CCDC134: variants seen among roughly 807,000 people sequenced by gnomAD.
The protein encoded by CCDC134 is coiled-coil domain containing 134.
A neutral mutation model predicts 25.6 loss-of-function variants in CCDC134; 27 were observed. That is an observed-to-expected ratio of 1.05 (90% CI 0.78 to 1.45). The LOEUF is 1.45. Among genes scored for constraint, CCDC134 ranks in the 40% most tolerant of loss-of-function variants. CCDC134 has a pLI of 0.00. For synonymous variants in CCDC134, 110 were observed against 115.0 expected, an observed-to-expected ratio of 0.96 and a Z score of 0.28; for missense variants, 261 against 286.7, an observed-to-expected ratio of 0.91 and a Z score of 0.65.
At chr22:41,810,527 C>G (rs1387063131) in intron 4 of CCDC134, among the ~76,000 whole-genome samples, 1 of 123,962 alleles carries the variant, frequency 8.1e-6, no homozygotes, top group Admixed American at 9.5e-5. Flanking sequence ...GACAGAGTCT[C>G]ACTCTGTCGC....
chr22:41,801,442 G>A (rs976424335), intron 1 of CCDC134, among the ~76,000 whole-genome samples: 1 of 152,170 alleles, frequency 6.6e-6, no homozygotes, highest in African/African-American at 2.4e-5. Flanking sequence ...TTTACAAAGA[G>A]TCAGAAGACA....
chr22:41,820,035 A>G (rs1220290237), intron 6 of CCDC134, among the ~76,000 whole-genome samples: 2 of 141,214 alleles, frequency 1.4e-5, no homozygotes, highest in African/African-American at 5.4e-5. Flanking sequence ...CACTCTGTCC[A>G]CGCAGGCTGG....
intron 1 of CCDC134, among the ~76,000 whole-genome samples, chr22:41,806,818 C>T (rs1050926683): frequency 7.9e-5 from 12 of 151,956 alleles, no homozygotes; most frequent in Non-Finnish European, 1.8e-4. Flanking sequence ...GAGGCTGAGG[C>T]GGTGGATCAC....
In CCDC134 at chr22:41,827,101, A is replaced by T. The variant is rs2076683607; in HGVS notation, c.*1278A>T. 6.6e-6 allele frequency among the ~76,000 whole-genome samples: 1 copy of T among 152,076 alleles called. No individual in the cohort carries two copies. Among genetic ancestry groups the T allele is most frequent in the South Asian group, 2.1e-4 (1 of 4,826 alleles). On this transcript the variant is annotated 3_prime_UTR_variant, in exon 7 of 7. Transcript: ENST00000255784. ...CTGTTTCTCTGAGGCTGGCCTCCCT[A>T]CGGGGCTGCAGCAGCAAAGGGAAGC...
rs1007039649 is a variant in CCDC134, at chr22:41,830,728, A to T, written c.*4905A>T. On this transcript the variant is annotated 3_prime_UTR_variant, in exon 7 of 7. Transcript: ENST00000255784. Reference sequence around the variant, plus strand: ...CATTATAAAACGTAATTTAAGCAATACTGAAATGCCAAAAAGAAAGTAAAA... The same window carrying T: ...CATTATAAAACGTAATTTAAGCAATTCTGAAATGCCAAAAAGAAAGTAAAA... Among the ~76,000 whole-genome samples the T allele has an allele frequency of 2.6e-5, 4 of 152,186 alleles. No homozygotes were observed. Among genetic ancestry groups the T allele is most frequent in the African/African-American group, 7.2e-5 (3 of 41,440 alleles).
rs202147958 is a variant in CCDC134 at position 41,825,694 on chromosome 22, T to A, written c.565-4T>A. 1.4e-4 allele frequency: 226 copies of A among 1,613,784 alleles called. No individual in the cohort carries two copies. The highest frequency in any genetic ancestry group is 2.5e-5 in the Non-Finnish European group (29 of 1,179,890). On this transcript the variant is annotated splice_polypyrimidine_tract_variant and splice_region_variant and intron_variant, in intron 6 of 6. Transcript: ENST00000255784. This position sits in a 1 kb window ranked among gnomAD's most constrained non-coding sequence, Gnocchi z 4.4. ...AAATCAGACTGCTCTTCTCTTCCCTTCAGTTCATTCCCAGCACTGACCCTT... is the reference window on the plus strand; with the variant it reads ...AAATCAGACTGCTCTTCTCTTCCCTACAGTTCATTCCCAGCACTGACCCTT...
At chr22:41,807,898 A>C (rs995714831) in intron 1 of CCDC134, among the ~76,000 whole-genome samples, 14 of 152,148 alleles carry the variant, frequency 9.2e-5, no homozygotes, top group African/African-American at 3.1e-4. Flanking sequence ...GCGGTGGCTC[A>C]CATCTGAATC....
intron 1 of CCDC134, among the ~76,000 whole-genome samples, chr22:41,807,687 C>T (rs1393164809): frequency 1.3e-5 from 2 of 152,128 alleles, no homozygotes; most frequent in Non-Finnish European, 2.9e-5. Context: ...CAATGTATGT[C>T]CTGGGAATCA....
chr22:41,818,788 C>T (rs2076634643), intron 6 of CCDC134, among the ~76,000 whole-genome samples: 1 of 152,336 alleles, frequency 6.6e-6, no homozygotes, highest in South Asian at 2.1e-4. Flanking sequence ...CACGGCCTTC[C>T]GTTCTTGGTT....
chr22:41,803,495 C>T (rs1344301201), intron 1 of CCDC134, among the ~76,000 whole-genome samples: 1 of 152,114 alleles, frequency 6.6e-6, no homozygotes, highest in African/African-American at 2.4e-5. Flanking sequence ...GGGCTGGGCA[C>T]GATAGCTCAC....
chr22:41,822,617 C>T (rs1384223985), intron 6 of CCDC134, among the ~76,000 whole-genome samples: 11 of 152,168 alleles, frequency 7.2e-5, no homozygotes, highest in South Asian at 2.1e-4. Context: ...TCTTCTGACC[C>T]GGCTAGGTTA....
At chr22:41,823,518 G>A (rs1034387960) in intron 6 of CCDC134, among the ~76,000 whole-genome samples, 7 of 152,042 alleles carry the variant, frequency 4.6e-5, no homozygotes, top group African/African-American at 7.2e-5. Context: ...GAGCCACGGC[G>A]CCCAACTCCA....
chr22:41,809,834 C>T, intron 2 of CCDC134, 45 bp from the exon 3 acceptor site: 1 of 1,611,526 alleles, frequency 6.2e-7, no homozygotes, highest in Non-Finnish European at 8.5e-7. Context: ...CTGGATTGTC[C>T]AGGCAGGGCT....
chr22:41,814,241 C>T (rs894206396), intron 6 of CCDC134, among the ~76,000 whole-genome samples: 1 of 152,076 alleles, frequency 6.6e-6, no homozygotes, highest in African/African-American at 2.4e-5. Flanking sequence ...CTGAGGTGGG[C>T]TTTGAGAGCT....
At chr22:41,801,839 TG>T (rs1216916618) in intron 1 of CCDC134, among the ~76,000 whole-genome samples, 10 of 152,162 alleles carry the variant, frequency 6.6e-5, no homozygotes, top group Non-Finnish European at 1.3e-4. Flanking sequence ...GACATTGTAG[TG>T]ACAATATGTG....
intron 6 of CCDC134, among the ~76,000 whole-genome samples, chr22:41,818,345 C>G (rs759324951): frequency 1.3e-5 from 2 of 152,176 alleles, no homozygotes; most frequent in Non-Finnish European, 2.9e-5. Flanking sequence ...ATGGCAAACT[C>G]CCCGGAGCAA....
At chr22:41,817,285 G>A (rs754018953) in intron 6 of CCDC134, among the ~76,000 whole-genome samples, 19 of 152,182 alleles carry the variant, frequency 1.2e-4, no homozygotes, top group Non-Finnish European at 2.4e-4. Flanking sequence ...GGTGGCAGTG[G>A]CAGTGATCTG....
intron 6 of CCDC134, among the ~76,000 whole-genome samples, chr22:41,824,238 A>T (rs1049055228): frequency 6.6e-6 from 1 of 152,148 alleles, no homozygotes; most frequent in Non-Finnish European, 1.5e-5. Context: ...GCCCGAGCTA[A>T]TGTGGCAGAG....
chr22:41,819,963 T>TTATATATATATATATA (rs34213936), intron 6 of CCDC134, among the ~76,000 whole-genome samples: 235 of 82,518 alleles, frequency 2.8e-3, no homozygotes, highest in African/African-American at 4.8e-3. Context: ...ACTTACCACT[T>TTATATATATATATATA]TATATATATA....
Sources: gnomAD v4.1 joint callset for allele counts (sites outside exome capture counted in the v4.1 genomes callset) on GRCh38, gnomAD v4.1.1 for gene constraint, Gnocchi (gnomAD v3.1) non-coding constraint, MANE v1.5 for transcripts, NCBI Gene and HGNC (gene_info 2026-07-23, HGNC 2026-07-21) for gene names.